The following GRID2IP variants were observed in gnomAD, a reference collection of about 807,000 sequenced individuals.
GRID2IP encodes Grid2 interacting protein.
In GRID2IP, 78 loss-of-function variants were observed where a neutral mutation model predicts 114.3. The ratio of observed to expected loss-of-function variants is 0.68; its 90% CI spans 0.57 to 0.82. The LOEUF is 0.82. Among genes scored for constraint, GRID2IP ranks in the 40% least tolerant of loss-of-function variants. The probability of loss-of-function intolerance (pLI) is 0.00; values close to 1 mark genes in which losing one functional copy is unlikely to be tolerated. For missense variants in GRID2IP, 1,727 were observed against 1,678.5 expected (o/e 1.03, Z -0.51); for synonymous variants, 809 against 724.0 (o/e 1.12, Z -1.89).
rs182772017 is a variant in GRID2IP, at chr7:6,501,517, C to G, written c.3399+264G>C. On this transcript the variant is annotated intron_variant, in intron 20 of 21. Coordinates refer to ENST00000457091, the MANE Select transcript of GRID2IP (RefSeq NM_001145118.2). The stretch of plus-strand genomic sequence containing the variant: ...AGGAGTTTTAGACCAGCCTGGGCAA[C>G]ATGGCAAAACCTTGTCTCTACTAAA... 1.4e-3 allele frequency among the ~76,000 whole-genome samples: 215 copies of G among 152,348 alleles called. 5 individuals are homozygous for G. Among genetic ancestry groups the G allele is most frequent in the African/African-American group, 4.9e-3 (203 of 41,566 alleles).
At position 6,514,525 on chromosome 7, in the gene GRID2IP, T is replaced by C. The variant is rs1231533698; in HGVS notation, c.1273A>G (p.Ile425Val). The change falls in exon 8 of 22, where the codon ATC (isoleucine) becomes GTC (valine). Residue 425 changes from isoleucine (I) to valine (V), a missense_variant. Ile to Val is a conservative substitution (Grantham distance 29). Coordinates refer to ENST00000457091, the MANE Select transcript of GRID2IP (RefSeq NM_001145118.2). ...TAGACGTCAACGATGAGGGTGTCGA[T>C]GTTCCTGGGGGAAGGTGCAGGAATG... ...ALESFFQHRN[I>V]DTLIVDVYPV... The C allele has an allele frequency of 6.6e-7, 1 of 1,520,178 alleles. No individual in the cohort carries two copies. 94.2% of individuals were successfully genotyped at this position (1,520,178 alleles called of 1,614,324 possible).
intron 8 of GRID2IP, among the ~76,000 whole-genome samples, chr7:6,513,971 A>AT (rs1779237670): frequency 7.4e-6 from 1 of 135,648 alleles, no homozygotes; most frequent in African/African-American, 2.7e-5. Flanking sequence ...AAAAAAAAAA[A>AT]GGCTGGGCGT....
At chr7:6,524,459 C>A (rs1779469827) in intron 4 of GRID2IP, among the ~76,000 whole-genome samples, 3 of 152,146 alleles carry the variant, frequency 2.0e-5, no homozygotes, top group African/African-American at 4.8e-5. Flanking sequence ...CACTTCTGCC[C>A]TACAAACACC....
At chr7:6,542,163 G>A (rs1164037266) in intron 1 of GRID2IP, among the ~76,000 whole-genome samples, 1 of 151,928 alleles carries the variant, frequency 6.6e-6, no homozygotes, top group Non-Finnish European at 1.5e-5. Context: ...TTAGCCAGAC[G>A]TGGTGGTGGG....
At chr7:6,515,584 C>T (rs1042141086) in intron 7 of GRID2IP, among the ~76,000 whole-genome samples, 1 of 151,784 alleles carries the variant, frequency 6.6e-6, no homozygotes, top group Non-Finnish European at 1.5e-5. Context: ...TCAAGATCAG[C>T]TTAGCCAACA....
rs539883535 is a variant in GRID2IP, at chr7:6,501,782, G to A, written c.3398C>T (p.Ser1133Leu). ...SSEDKFAMVM[S>L]SFLETAQPAL... is the part of the protein sequence containing the mutation. The stretch of plus-strand genomic sequence containing the variant: ...AGGAACAGGCTGCTCAGAGGATGCC[G>A]ACATGACCATTGCAAACTTGTCCTC... Residue 1133 changes from serine (S) to leucine (L), a missense_variant and splice_region_variant, in exon 20 of 22, where the codon TCG becomes TTG. By Grantham distance (145) the Ser-to-Leu change is moderately radical (BLOSUM62 -2). Transcript: ENST00000457091. 29 of 1,548,582 alleles carry A rather than the reference G, an allele frequency of 1.9e-5. No homozygotes were observed. In the South Asian group the frequency reaches 2.5e-4, roughly 13 times the overall value.
Position 6,516,738 on chromosome 7 carries a change from C to A in GRID2IP, c.1269-2209G>T, listed in dbSNP as rs1779310699. Among the ~76,000 whole-genome samples, 1 of 152,184 alleles carries A rather than the reference C, an allele frequency of 6.6e-6. No homozygotes were observed. Among genetic ancestry groups the A allele is most frequent in the Non-Finnish European group, 1.5e-5 (1 of 68,032 alleles). ...TGCCCTGTGCACTCGGCTCCACCTT[C>A]TAGATAGCAGCAGCAGAATTAGTGA... On this transcript the variant is annotated intron_variant, in intron 7 of 21. Transcript: ENST00000457091. This position sits in a 1 kb window ranked among gnomAD's most constrained non-coding sequence, Gnocchi z 4.3.
At position 6,522,652 on chromosome 7, in the gene GRID2IP, A is replaced by AT. The variant is rs986769297; in HGVS notation, c.920-696dup. On this transcript the variant is annotated intron_variant, in intron 4 of 21. Transcript: ENST00000457091. ...AGGCACGCACCACCACTCCGGGCTA[A>AT]TTTTTTTTTTTGAGATGGAGTCTCG... Among the ~76,000 whole-genome samples the AT allele has an allele frequency of 8.3e-3, 1,221 of 147,632 alleles. 21 individuals are homozygous for AT. Among genetic ancestry groups the AT allele is most frequent in the African/African-American group, 0.028 (1,141 of 40,358 alleles).
rs1430600755 is a variant in GRID2IP, at chr7:6,536,049, G to A, written c.584+3669C>T. ...AACCCTGGGAATCACAGCTGCGTCTGTGGCTTCTCCATGCCCCCTCTGACC... is the reference window on the plus strand; with the variant it reads ...AACCCTGGGAATCACAGCTGCGTCTATGGCTTCTCCATGCCCCCTCTGACC... On this transcript the variant is annotated intron_variant, in intron 2 of 21. Transcript: ENST00000457091. The surrounding 1 kb of genome is among the most constrained non-coding windows in gnomAD (Gnocchi z 5.3). 6.6e-6 allele frequency among the ~76,000 whole-genome samples: 1 copy of A among 152,206 alleles called. No individual in the cohort carries two copies. Among genetic ancestry groups the A allele is most frequent in the Admixed American group, 6.5e-5 (1 of 15,268 alleles).
intron 18 of GRID2IP, among the ~76,000 whole-genome samples, chr7:6,502,537 T>G (rs1161163614): frequency 1.3e-5 from 2 of 152,080 alleles, no homozygotes; most frequent in Non-Finnish European, 2.9e-5. Flanking sequence ...TTTGACACTC[T>G]CTTTCCAACT....
Position 6,551,457 on chromosome 7 carries a change from A to C in GRID2IP, c.-21T>G. ...GCCATGCACCTAGAACTGGAGACAG[A>C]ACAGGGATTTCCTTGCTGCTCTGTC... On this transcript the variant is annotated 5_prime_UTR_variant, in exon 1 of 22. Transcript: ENST00000457091. 2.6e-6 allele frequency: 4 copies of C among 1,532,586 alleles called. No homozygotes were observed. The Admixed American group carries it at 8.3e-5, about 32-fold the overall frequency. The allele number at this position is 1,532,586 out of a possible 1,614,324, so 94.9% of individuals were successfully genotyped here. A position where few individuals can be genotyped will look rare whatever the true frequency, so the allele number is the denominator to read the frequency against.
Position 6,514,368 on chromosome 7 carries a change from C to G in GRID2IP, c.1423+7G>C. ...GGCAGGGAAGTGGCAGGGGAGAGGA[C>G]GCTTACCTGTCATGGCCGTGTAGCC... On this transcript the variant is annotated splice_region_variant and intron_variant, in intron 8 of 21. Transcript: ENST00000457091. The G allele has an allele frequency of 6.7e-7, 1 of 1,499,876 alleles. No individual in the cohort carries two copies. The highest frequency in any genetic ancestry group is 9.0e-7 in the Non-Finnish European group (1 of 1,116,816). The allele number at this position is 1,499,876 out of a possible 1,614,324, so 92.9% of individuals were successfully genotyped here. A position where few individuals can be genotyped will look rare whatever the true frequency, so the allele number is the denominator to read the frequency against.
In GRID2IP at chr7:6,526,783, C is replaced by T; in HGVS notation, c.585-14G>A. 1.3e-6 allele frequency: 2 copies of T among 1,499,028 alleles called. No individual in the cohort carries two copies. Among genetic ancestry groups the T allele is most frequent in the African/African-American group, 1.5e-5 (1 of 68,852 alleles). The allele number at this position is 1,499,028 out of a possible 1,614,324, so 92.9% of individuals were successfully genotyped here. On this transcript the variant is annotated splice_polypyrimidine_tract_variant and intron_variant, in intron 2 of 21. Transcript: ENST00000457091. This position sits in a 1 kb window ranked among gnomAD's most constrained non-coding sequence, Gnocchi z 7.6. ...GGGATGAAGATCCTGCCGGCGAGGA[C>T]GGCGGAGTCGGGGCGCGTTCCCGGA...
At chr7:6,546,198 C>T (rs899781651) in intron 1 of GRID2IP, among the ~76,000 whole-genome samples, 20 of 151,710 alleles carry the variant, frequency 1.3e-4, no homozygotes, top group African/African-American at 4.8e-4. Context: ...TGGCTCATGC[C>T]TGTAATCCCA....
At position 6,521,127 on chromosome 7, in the gene GRID2IP, C is replaced by T. The variant is rs1005759327; in HGVS notation, c.1084+302G>A. Among the ~76,000 whole-genome samples, 25 of 152,288 alleles carry T rather than the reference C, an allele frequency of 1.6e-4. No individual in the cohort carries two copies. The highest frequency in any genetic ancestry group is 4.1e-4 in the South Asian group (2 of 4,826). On this transcript the variant is annotated intron_variant, in intron 6 of 21. Transcript: ENST00000457091. This position sits in a 1 kb window ranked among gnomAD's most constrained non-coding sequence, Gnocchi z 4.1. ...CTGGGACTACAGGCACGTGCCATCA[C>T]GCCCAGCTAGTTTTTGTATTTTTAG...
rs1224827615 is a variant in GRID2IP, at chr7:6,506,806, C to T, written c.2545-899G>A. 5.3e-5 allele frequency among the ~76,000 whole-genome samples: 8 copies of T among 151,940 alleles called. No homozygotes were observed. The highest frequency in any genetic ancestry group is 1.9e-4 in the African/African-American group (8 of 41,330). ...AAGTGATTCTCCCTCTTCAGCCTCC[C>T]GAGTAGCTGGGACCACAGGCATGCA... On this transcript the variant is annotated intron_variant, in intron 13 of 21. Coordinates refer to ENST00000457091, the MANE Select transcript of GRID2IP (RefSeq NM_001145118.2). This position sits in a 1 kb window ranked among gnomAD's most constrained non-coding sequence, Gnocchi z 5.2.
intron 7 of GRID2IP, among the ~76,000 whole-genome samples, chr7:6,517,173 G>C (rs13236853): frequency 1.2e-3 from 183 of 151,516 alleles, no homozygotes; most frequent in Non-Finnish European, 2.3e-3. Flanking sequence ...TCCTGCCTCA[G>C]CCTCCCGAGT....
intron 1 of GRID2IP, among the ~76,000 whole-genome samples, chr7:6,541,173 C>A (rs1348471066): frequency 1.3e-5 from 2 of 152,148 alleles, no homozygotes; most frequent in African/African-American, 4.8e-5. Flanking sequence ...GTGTGAGCCA[C>A]CTCTCTTGGC....
Position 6,536,589 on chromosome 7 carries a change from C to G in GRID2IP, c.584+3129G>C, listed in dbSNP as rs1423436231. Among the ~76,000 whole-genome samples, 3 of 151,788 alleles carry G rather than the reference C, an allele frequency of 2.0e-5. No individual in the cohort carries two copies. Among genetic ancestry groups the G allele is most frequent in the Non-Finnish European group, 4.4e-5 (3 of 67,906 alleles). On this transcript the variant is annotated intron_variant, in intron 2 of 21. Coordinates refer to ENST00000457091, the MANE Select transcript of GRID2IP (RefSeq NM_001145118.2). The surrounding 1 kb of genome is among the most constrained non-coding windows in gnomAD (Gnocchi z 5.3). ...AGAACCGAGAGGGCCTCCAGCCGAG[C>G]CCGGCTGCCAGCAGCCGGGAGACGA...
Sources: gnomAD v4.1 joint callset for allele counts (sites outside exome capture counted in the v4.1 genomes callset) on GRCh38, gnomAD v4.1.1 for gene constraint, Gnocchi (gnomAD v3.1) non-coding constraint, MANE v1.5 for transcripts, NCBI Gene and HGNC (gene_info 2026-07-23, HGNC 2026-07-21) for gene names.